The following DHRS4L2 variants were observed in gnomAD, a reference collection of about 807,000 sequenced individuals.
DHRS4L2 encodes the protein dehydrogenase/reductase 4 like 2.
A neutral mutation model predicts 23.9 loss-of-function variants in DHRS4L2; 22 were observed. The observed-to-expected ratio is 0.92, with a 90% CI of 0.66 to 1.31. The LOEUF (loss-of-function observed/expected upper bound fraction) is 1.31. Ranked by LOEUF, DHRS4L2 falls within the 40% of genes most tolerant of loss-of-function variation. DHRS4L2 has a pLI of 0.00. For missense variants in DHRS4L2, 385 were observed against 303.3 expected, an observed-to-expected ratio of 1.27 and a Z score of -2.00; for synonymous variants, 141 against 123.7, an observed-to-expected ratio of 1.14 and a Z score of -0.93.
intron 1 of DHRS4L2, among the ~76,000 whole-genome samples, chr14:23,979,171 AAACC>A (rs1301919649): frequency 6.7e-6 from 1 of 149,310 alleles, no homozygotes; most frequent in Non-Finnish European, 1.5e-5. Context: ...AACAGACTTT[AAACC>A]AACAAAGATC....
intron 1 of DHRS4L2, among the ~76,000 whole-genome samples, chr14:23,979,296 G>A (rs2034020702): frequency 7.2e-6 from 1 of 139,800 alleles, no homozygotes; most frequent in South Asian, 2.4e-4. Flanking sequence ...CATAAAGCAA[G>A]TGCTTAGAGA....
At chr14:23,993,750 C>G (rs865809544) in intron 2 of DHRS4L2, among the ~76,000 whole-genome samples, 11 of 151,702 alleles carry the variant, frequency 7.3e-5, no homozygotes, top group South Asian at 2.1e-4. Context: ...AAGAGAGAGA[C>G]AGAGACAGGG....
intron 1 of DHRS4L2, among the ~76,000 whole-genome samples, chr14:23,982,846 T>C (rs1032077041): frequency 1.3e-5 from 2 of 151,626 alleles, no homozygotes; most frequent in Non-Finnish European, 2.9e-5. Flanking sequence ...ATTAACTCAA[T>C]TTTATTATGT....
At chr14:23,999,367 A>AAAAAAAAAAAAAAAAC (rs1555330042) in intron 3 of DHRS4L2, among the ~76,000 whole-genome samples, 1 of 116,802 alleles carries the variant, frequency 8.6e-6, no homozygotes, top group Non-Finnish European at 1.8e-5. Context: ...AAAAAAAAAA[A>AAAAAAAAAAAAAAAAC]AAAAAAACAA....
At position 23,972,082 on chromosome 14, in the gene DHRS4L2, C is replaced by T. The variant is rs147779935; in HGVS notation, c.-176+1750C>T. On this transcript the variant is annotated intron_variant, in intron 1 of 5. Coordinates refer to the DHRS4L2 transcript ENST00000534993. ...CATATGGTGTGCTGTATTCAGGAGA[C>T]CCATCTCACATGCAAAGACACACAT... Among the ~76,000 whole-genome samples the T allele has an allele frequency of 7.8e-4, 119 of 152,080 alleles. 1 individual carries two copies. In the East Asian group the frequency reaches 0.016, roughly 20 times the overall value.
Position 23,990,279 on chromosome 14 carries a change from C to A in DHRS4L2, c.226C>A (p.Leu76Met). The stretch of plus-strand genomic sequence containing the variant: ...GAATGTGGACCAGGCGGTGGCCACG[C>A]TGCAGGGGGAGGGGCTGAGCGTGAC... ...QQNVDQAVAT[L>M]QGEGLSVTGT... is the part of the protein sequence containing the mutation. Residue 76 changes from leucine to methionine, a missense_variant, in exon 2 of 8, where the codon CTG (leucine) becomes ATG (methionine). Coordinates refer to ENST00000335125, the MANE Select transcript of DHRS4L2 (RefSeq NM_198083.4). The A allele has an allele frequency of 6.2e-7, 1 of 1,612,612 alleles. No homozygotes were observed. The highest frequency in any genetic ancestry group is 8.5e-7 in the Non-Finnish European group (1 of 1,179,282).
chr14:23,969,993 C>G (rs1305194788), exon 1 of DHRS4L2: 4 of 455,036 alleles, frequency 8.8e-6, no homozygotes, highest in East Asian at 6.9e-5. Flanking sequence ...CGGCAGCCCT[C>G]ACCGCCCGGG....
chr14:23,995,293 TGGC>T (rs2034358420), intron 3 of DHRS4L2, among the ~76,000 whole-genome samples, 160 bp downstream of exon 3: 2 of 151,688 alleles, frequency 1.3e-5, no homozygotes, highest in Non-Finnish European at 2.9e-5. Flanking sequence ...CAGGTGGGGG[TGGC>T]TCTTTCTCTG....
upstream of DHRS4L2, among the ~76,000 whole-genome samples, chr14:23,987,615 T>G (rs112492806): frequency 2.4e-3 from 342 of 145,070 alleles, no homozygotes; most frequent in African/African-American, 9.1e-3. Flanking sequence ...AACACATCTC[T>G]AAACCTACCC....
intron 1 of DHRS4L2, among the ~76,000 whole-genome samples, chr14:23,979,043 A>G (rs2034014688): frequency 7.2e-6 from 1 of 139,806 alleles, no homozygotes; most frequent in South Asian, 2.5e-4. Context: ...TGCTGTATTC[A>G]AGAGACCCAT....
At chr14:23,983,621 G>A (rs921226653) in intron 1 of DHRS4L2, among the ~76,000 whole-genome samples, 1 of 151,570 alleles carries the variant, frequency 6.6e-6, no homozygotes, top group African/African-American at 2.4e-5. Context: ...GCAAAGACTT[G>A]GAACCAACCC....
chr14:23,992,674 A>G (rs539085439), intron 2 of DHRS4L2, among the ~76,000 whole-genome samples: 1 of 151,466 alleles, frequency 6.6e-6, no homozygotes, highest in Admixed American at 6.6e-5. Flanking sequence ...TTAGAATAAG[A>G]CTTAGAAGAC....
upstream of DHRS4L2, among the ~76,000 whole-genome samples, chr14:23,986,806 C>A (rs528417496): frequency 7.9e-5 from 12 of 151,112 alleles, 1 homozygote; most frequent in South Asian, 4.2e-4. Context: ...GTGTACCCTC[C>A]CCCCAGCCCC....
chr14:23,976,908 A>T (rs530639596), intron 1 of DHRS4L2, among the ~76,000 whole-genome samples: 1 of 151,902 alleles, frequency 6.6e-6, no homozygotes, highest in East Asian at 1.9e-4. Context: ...GAACAAGGAG[A>T]ACACATGGAA....
chr14:23,991,737 C>CCTTT (rs568419038), intron 2 of DHRS4L2, among the ~76,000 whole-genome samples: 1 of 139,882 alleles, frequency 7.1e-6, no homozygotes, highest in South Asian at 2.3e-4. Context: ...GCCTCCATAT[C>CCTTT]TTTTTTTTTT....
upstream of DHRS4L2, chr14:23,988,851 G>A (rs1488909759): frequency 2.5e-5 from 37 of 1,494,934 alleles, 1 homozygote; most frequent in Non-Finnish European, 3.0e-5. Context: ...GCGGGAAGGG[G>A]GCAGGCAGGG....
At chr14:23,972,111 C>T (rs2033869494) in intron 1 of DHRS4L2, among the ~76,000 whole-genome samples, 2 of 151,956 alleles carry the variant, frequency 1.3e-5, no homozygotes, top group African/African-American at 2.4e-5. Context: ...CACACATAGG[C>T]CCAAAATGAA....
At chr14:23,985,884 A>G (rs1331228551), upstream of DHRS4L2, among the ~76,000 whole-genome samples, 1 of 151,342 alleles carries the variant, frequency 6.6e-6, no homozygotes, top group Non-Finnish European at 1.5e-5. Flanking sequence ...ATGTATTTTT[A>G]GTAGAGACAG....
chr14:24,001,018 C>G lies in DHRS4L2; in HGVS notation c.480-15C>G, dbSNP rs2138559325. 1 of 1,611,566 alleles carries G rather than the reference C, an allele frequency of 6.2e-7. No homozygotes were observed. Among genetic ancestry groups the G allele is most frequent in the Non-Finnish European group, 8.5e-7 (1 of 1,179,492 alleles). ...GTCCACACTGGGAAGACGGTCAGCT[C>G]TCTTCTTTTTCCAGAGGCGGCTCAG... is the stretch of plus-strand genomic sequence containing the variant. On this transcript the variant is annotated splice_polypyrimidine_tract_variant and intron_variant, in intron 4 of 7. Coordinates refer to ENST00000335125, the MANE Select transcript of DHRS4L2 (RefSeq NM_198083.4).
Sources: allele counts gnomAD v4.1 joint callset (sites outside exome capture counted in the v4.1 genomes callset), GRCh38; gene constraint gnomAD v4.1.1; transcripts MANE v1.5; gene names NCBI Gene and HGNC (gene_info 2026-07-23, HGNC 2026-07-21).